The following ROR1 variants were observed in gnomAD, a reference collection of about 807,000 sequenced individuals.
ROR1 encodes the protein ROR family WNT receptor 1, also known as inactive tyrosine-protein kinase transmembrane receptor ROR1.
Under a neutral mutation model 78.8 loss-of-function variants are expected in ROR1, and 19 were observed. The observed-to-expected ratio is 0.24, with a 90% CI of 0.17 to 0.35. ROR1 has a LOEUF of 0.35. ROR1 is among the 10% of genes least tolerant of loss of function. The probability of loss-of-function intolerance (pLI) is 1.00; values close to 1 mark genes in which losing one functional copy is unlikely to be tolerated. For synonymous variants in ROR1, 386 were observed against 433.6 expected (o/e 0.89, Z 1.36); for missense variants, 917 against 1,177.8 (o/e 0.78, Z 3.24).
chr1:63,942,965 C>T lies in ROR1; in HGVS notation c.92-66340C>T, dbSNP rs188211196. Among the ~76,000 whole-genome samples, 12 of 151,896 alleles carry T rather than the reference C, an allele frequency of 7.9e-5. No individual in the cohort carries two copies. The East Asian group carries it at 9.7e-4, about 12-fold the overall frequency. ...ATTAGCCAGGCATGGTGGAGCGTGA[C>T]GATTGTCCCAGCTACTCAGGAGGCT... On this transcript the variant is annotated intron_variant, in intron 1 of 8. Transcript: ENST00000371079.
intron 1 of ROR1, among the ~76,000 whole-genome samples, chr1:63,947,368 A>G (rs1645898833): frequency 6.6e-6 from 1 of 152,224 alleles, no homozygotes. Context: ...CTCCTTATAG[A>G]GAACACAGAC....
At chr1:63,984,963 T>C (rs1231672775) in intron 1 of ROR1, among the ~76,000 whole-genome samples, 1 of 152,220 alleles carries the variant, frequency 6.6e-6, no homozygotes, top group African/African-American at 2.4e-5. Context: ...CCCACGCACC[T>C]CTGTCTTCCG....
intron 1 of ROR1, among the ~76,000 whole-genome samples, chr1:63,938,990 C>T (rs1010127768): frequency 2.0e-5 from 3 of 151,968 alleles, no homozygotes; most frequent in Non-Finnish European, 4.4e-5. Flanking sequence ...GGAGGGAGAC[C>T]CTGTCTCAAT....
chr1:64,033,676 A>G (rs960344305), intron 2 of ROR1, among the ~76,000 whole-genome samples: 3 of 152,204 alleles, frequency 2.0e-5, no homozygotes, highest in Non-Finnish European at 4.4e-5. Flanking sequence ...CCTTATATAG[A>G]ACTTCACTGT....
chr1:64,137,407 G>T lies in ROR1; in HGVS notation c.521G>T (p.Arg174Ile), dbSNP rs1649150418. Residue 174 changes from arginine (R) to isoleucine (I), a missense_variant, in exon 5 of 9, where the codon AGA (arginine) becomes ATA (isoleucine). Transcript: ENST00000371079. ...GAAGATGGATTCTGTCAGCCATACA[G>T]AGGGATTGCATGTGCAAGATTTATT... Reference protein sequence around the residue: ...YEEDGFCQPYRGIACARFIGN... With the variant: ...YEEDGFCQPYIGIACARFIGN... The T allele has an allele frequency of 1.2e-6, 2 of 1,614,084 alleles. No homozygotes were observed. Among genetic ancestry groups the T allele is most frequent in the Non-Finnish European group, 1.7e-6 (2 of 1,179,922 alleles).
chr1:64,001,858 G>A (rs1021482085), intron 1 of ROR1, among the ~76,000 whole-genome samples: 4 of 152,096 alleles, frequency 2.6e-5, no homozygotes, highest in African/African-American at 7.2e-5. Flanking sequence ...CTTCAGCATC[G>A]GCGTCCACTT....
chr1:64,178,247 A>T lies in ROR1; in HGVS notation c.2206A>T (p.Arg736Ter). The T allele has an allele frequency of 6.2e-7, 1 of 1,614,042 alleles. No individual in the cohort carries two copies. The highest frequency in any genetic ancestry group is 8.5e-7 in the Non-Finnish European group (1 of 1,180,022). The stretch of plus-strand genomic sequence containing the variant: ...GTGCTGGAATGAGATTCCTTCTAGG[A>T]GACCAAGATTTAAAGATATTCACGT... ...TECWNEIPSRRPRFKDIHVRL... is the reference protein window; with the variant it reads ...TECWNEIPSR The change falls in exon 9 of 9, where the codon AGA becomes TGA. Residue 736 changes from arginine to a stop codon, truncating the protein, a stop_gained. Coordinates refer to ENST00000371079, the MANE Select transcript of ROR1 (RefSeq NM_005012.4). LOFTEE classifies it high-confidence loss of function. This position sits in a 1 kb window ranked among gnomAD's most constrained non-coding sequence, Gnocchi z 4.3.
At chr1:63,978,007 G>C (rs922843333) in intron 1 of ROR1, among the ~76,000 whole-genome samples, 2 of 152,080 alleles carry the variant, frequency 1.3e-5, no homozygotes, top group African/African-American at 4.8e-5. Context: ...TTAGTGTTGG[G>C]AGTGCCTTAG....
chr1:63,931,654 G>A (rs528822888), intron 1 of ROR1, among the ~76,000 whole-genome samples: 2 of 152,198 alleles, frequency 1.3e-5, no homozygotes, highest in East Asian at 1.9e-4. Flanking sequence ...TTTGTCCTGC[G>A]TATCTAAGCT....
intron 1 of ROR1, among the ~76,000 whole-genome samples, chr1:64,006,873 T>C (rs997245475): frequency 6.6e-6 from 1 of 152,186 alleles, no homozygotes; most frequent in Non-Finnish European, 1.5e-5. Flanking sequence ...ACTAGAAGTA[T>C]GCCTTTGCAA....
chr1:64,090,576 G>T (rs1042404626), intron 4 of ROR1, among the ~76,000 whole-genome samples: 1 of 152,194 alleles, frequency 6.6e-6, no homozygotes, highest in Non-Finnish European at 1.5e-5. Flanking sequence ...AAAGCTCAAT[G>T]TTTCCAAGAG....
intron 1 of ROR1, among the ~76,000 whole-genome samples, chr1:63,902,020 C>CT (rs1320875199): frequency 6.6e-6 from 1 of 152,062 alleles, no homozygotes; most frequent in Non-Finnish European, 1.5e-5. Flanking sequence ...AAGGAAATAT[C>CT]TTTTTTTATG....
At chr1:64,152,100 T>C (rs547860929) in intron 7 of ROR1, among the ~76,000 whole-genome samples, 8 of 152,282 alleles carry the variant, frequency 5.3e-5, no homozygotes, top group African/African-American at 1.9e-4. Flanking sequence ...CCAAAACTCG[T>C]ATGCAAAATC....
intron 1 of ROR1, among the ~76,000 whole-genome samples, chr1:63,876,907 G>GA (rs75588078): frequency 2.4e-4 from 37 of 151,148 alleles, no homozygotes; most frequent in Non-Finnish European, 4.9e-4. Context: ...TGAGTTGCCA[G>GA]AAAAAAAATA....
intron 1 of ROR1, among the ~76,000 whole-genome samples, chr1:64,005,463 A>G (rs1442703188): frequency 1.3e-5 from 2 of 152,238 alleles, no homozygotes; most frequent in African/African-American, 2.4e-5. Flanking sequence ...TGCTATTACC[A>G]TAATGCTTTT....
At chr1:63,863,547 G>A (rs115406179) in intron 1 of ROR1, among the ~76,000 whole-genome samples, 1 of 152,230 alleles carries the variant, frequency 6.6e-6, no homozygotes, top group Admixed American at 6.5e-5. Flanking sequence ...ATGGGTCTGT[G>A]ATAATGCAAA....
At chr1:63,852,735 C>T (rs1429189681) in intron 1 of ROR1, among the ~76,000 whole-genome samples, 1 of 152,174 alleles carries the variant, frequency 6.6e-6, no homozygotes, top group Non-Finnish European at 1.5e-5. Context: ...TTGTTGAATT[C>T]ACATTCTACT....
chr1:64,023,415 G>A (rs1646581353), intron 2 of ROR1, among the ~76,000 whole-genome samples: 1 of 152,164 alleles, frequency 6.6e-6, no homozygotes, highest in South Asian at 2.1e-4. Context: ...TGAGGCAGGA[G>A]ACTAATAGCA....
At chr1:64,011,649 C>G (rs1162118527) in intron 2 of ROR1, among the ~76,000 whole-genome samples, 1 of 152,172 alleles carries the variant, frequency 6.6e-6, no homozygotes, top group East Asian at 1.9e-4. Flanking sequence ...AGGATAAAGG[C>G]AGGCCCCAGA....
Sources: allele counts gnomAD v4.1 joint callset (sites outside exome capture counted in the v4.1 genomes callset), GRCh38; gene constraint gnomAD v4.1.1; non-coding constraint Gnocchi (gnomAD v3.1); transcripts MANE v1.5; gene names NCBI Gene and HGNC (gene_info 2026-07-23, HGNC 2026-07-21).